Variants in ADAM9 observed in about 807,000 individuals in gnomAD.
The protein encoded by ADAM9 is disintegrin and metalloproteinase domain-containing protein 9.
A neutral mutation model predicts 108.1 loss-of-function variants in ADAM9; 54 were observed. That is an observed-to-expected ratio of 0.50 (90% CI 0.40 to 0.63). The LOEUF (loss-of-function observed/expected upper bound fraction) is 0.63. Ranked by LOEUF, ADAM9 falls within the 20% of genes least tolerant of loss-of-function variation. The probability of loss-of-function intolerance (pLI) is 0.00; values close to 1 mark genes in which losing one functional copy is unlikely to be tolerated. For synonymous variants in ADAM9, 316 were observed against 336.0 expected (o/e 0.94, Z 0.65); for missense variants, 830 against 997.7 (o/e 0.83, Z 2.26).
At chr8:39,023,492 C>A (rs1836815356) in intron 9 of ADAM9, among the ~76,000 whole-genome samples, 167 bp downstream of exon 9, 1 of 151,998 alleles carries the variant, frequency 6.6e-6, no homozygotes, top group South Asian at 2.1e-4. Flanking sequence ...GTTTTGGATT[C>A]CTGTGACCTT....
chr8:39,024,080 A>G (rs1284613021), intron 9 of ADAM9, among the ~76,000 whole-genome samples: 2 of 152,068 alleles, frequency 1.3e-5, no homozygotes, highest in African/African-American at 4.8e-5. Context: ...ACGACTTTGA[A>G]GGCGTTGCTC....
intron 12 of ADAM9, among the ~76,000 whole-genome samples, chr8:39,050,838 T>G (rs1402041438): frequency 6.7e-6 from 1 of 149,904 alleles, no homozygotes; most frequent in African/African-American, 2.5e-5. Context: ...GTGTTTTTTT[T>G]TTTTTTTTTT....
At chr8:39,071,581 C>G (rs544726784) in intron 15 of ADAM9, among the ~76,000 whole-genome samples, 178 bp downstream of exon 15, 1 of 151,890 alleles carries the variant, frequency 6.6e-6, no homozygotes, top group African/African-American at 2.4e-5. Flanking sequence ...ATTCCCCTGC[C>G]TCAGCCTCCT....
intron 14 of ADAM9, among the ~76,000 whole-genome samples, chr8:39,071,031 A>T (rs142735116): frequency 6.6e-6 from 1 of 152,152 alleles, no homozygotes; most frequent in Admixed American, 6.6e-5. Flanking sequence ...CTTATAATCT[A>T]TTATTTAATA....
chr8:39,057,183 C>A (rs954373726), intron 14 of ADAM9, among the ~76,000 whole-genome samples: 2 of 151,920 alleles, frequency 1.3e-5, no homozygotes, highest in African/African-American at 4.8e-5. Context: ...GGCTATACCA[C>A]CTAGGTTTGT....
At position 39,098,292 on chromosome 8, in the gene ADAM9, A is replaced by G. The variant is rs557538413; in HGVS notation, c.2299-3571A>G. Among the ~76,000 whole-genome samples, 64 of 152,332 alleles carry G rather than the reference A, an allele frequency of 4.2e-4. 1 individual carries two copies. Among genetic ancestry groups the G allele is most frequent in the African/African-American group, 1.5e-3 (62 of 41,586 alleles). Reference sequence around the variant, plus strand: ...TAAAAAAACTCCTTTGCCAGTAAATAGACTTCCGGAGTTGATTTACATTTT... The same window carrying G: ...TAAAAAAACTCCTTTGCCAGTAAATGGACTTCCGGAGTTGATTTACATTTT... On this transcript the variant is annotated intron_variant, in intron 20 of 21. Coordinates refer to ENST00000487273, the MANE Select transcript of ADAM9 (RefSeq NM_003816.3).
chr8:39,024,343 G>C (rs557316260), intron 9 of ADAM9, among the ~76,000 whole-genome samples: 2 of 151,994 alleles, frequency 1.3e-5, no homozygotes, highest in Non-Finnish European at 1.5e-5. Flanking sequence ...CAGGTGTCAA[G>C]CATACTCACT....
In ADAM9 at chr8:39,058,826, A is replaced by G. The variant is rs893603743; in HGVS notation, c.1591+3054A>G. On this transcript the variant is annotated intron_variant, in intron 14 of 21. Coordinates refer to ENST00000487273, the MANE Select transcript of ADAM9 (RefSeq NM_003816.3). The stretch of plus-strand genomic sequence containing the variant: ...AAATTTTGCTAGTGGGTCACTATGG[A>G]TAATGGTGAGTGGTGTTTCTCCCAT... Among the ~76,000 whole-genome samples the G allele has an allele frequency of 4.6e-5, 7 of 152,312 alleles. 1 individual carries two copies. In the South Asian group the frequency reaches 1.5e-3, roughly 32 times the overall value.
intron 20 of ADAM9, among the ~76,000 whole-genome samples, chr8:39,095,977 A>G (rs1839490055): frequency 6.6e-6 from 1 of 152,150 alleles, no homozygotes; most frequent in African/African-American, 2.4e-5. Context: ...ATACTTACTC[A>G]TATTTAAAAG....
At chr8:39,069,672 T>C (rs1332595310) in intron 14 of ADAM9, among the ~76,000 whole-genome samples, 2 of 152,078 alleles carry the variant, frequency 1.3e-5, no homozygotes, top group African/African-American at 4.8e-5. Flanking sequence ...CATGGTGAGC[T>C]GATGAAGACT....
rs1041288992 is a variant in ADAM9, at chr8:38,997,033, G to A, written c.-31G>A. Reference sequence around the variant, plus strand: ...AAGAGGCGGAGGTGGAGGCGACCGAGTGCTGAGAGGAACCTGCGGAATCGG... The same window carrying A: ...AAGAGGCGGAGGTGGAGGCGACCGAATGCTGAGAGGAACCTGCGGAATCGG... On this transcript the variant is annotated 5_prime_UTR_variant, in exon 1 of 22. The change creates a new upstream start codon in the 5' untranslated region. Transcript: ENST00000487273. The A allele has an allele frequency of 6.2e-7, 1 of 1,602,850 alleles. No homozygotes were observed. The highest frequency in any genetic ancestry group is 8.5e-7 in the Non-Finnish European group (1 of 1,178,776).
chr8:39,081,575 C>T (rs1237842628), intron 16 of ADAM9, among the ~76,000 whole-genome samples: 1 of 152,142 alleles, frequency 6.6e-6, no homozygotes, highest in Non-Finnish European at 1.5e-5. Flanking sequence ...TGAGGAGTGA[C>T]TTACTGTAGA....
intron 13 of ADAM9, 143 bp from the exon 14 acceptor site, chr8:39,055,434 C>A: frequency 1.3e-6 from 1 of 789,878 alleles, no homozygotes; most frequent in Non-Finnish European, 2.1e-6. Flanking sequence ...CTGTTGTTAG[C>A]CATTGTTCAT....
chr8:39,084,999 A>G lies in ADAM9; in HGVS notation c.2068+1926A>G, dbSNP rs193040698. On this transcript the variant is annotated intron_variant, in intron 18 of 21. Transcript: ENST00000487273. ...CCCTGCAATGAGATATTGTTAATAT[A>G]GCTACTCCAGATTCCTATTAATTAG... Among the ~76,000 whole-genome samples the G allele has an allele frequency of 1.5e-3, 228 of 152,258 alleles. 3 individuals carry two copies. The East Asian group carries it at 0.028, about 19-fold the overall frequency.
intron 2 of ADAM9, among the ~76,000 whole-genome samples, chr8:39,010,394 T>C (rs1210712228): frequency 6.6e-6 from 1 of 152,022 alleles, no homozygotes; most frequent in Non-Finnish European, 1.5e-5. Flanking sequence ...CCATGCAGGA[T>C]GTGGAGGTGG....
intron 16 of ADAM9, among the ~76,000 whole-genome samples, chr8:39,080,764 C>T (rs1334347606): frequency 1.3e-5 from 2 of 151,882 alleles, no homozygotes; most frequent in African/African-American, 4.8e-5. Flanking sequence ...AACTCCTCAC[C>T]TTCATTTTTA....
chr8:39,041,828 T>C, intron 11 of ADAM9, 118 bp from the exon 12 acceptor site: 2 of 905,072 alleles, frequency 2.2e-6, no homozygotes, highest in Non-Finnish European at 3.5e-6. Flanking sequence ...TGTCCACTTT[T>C]ATTAGCTTCT....
intron 1 of ADAM9, among the ~76,000 whole-genome samples, chr8:38,998,761 G>A (rs1835905050): frequency 6.6e-6 from 1 of 152,096 alleles, no homozygotes; most frequent in Admixed American, 6.5e-5. Flanking sequence ...CAAGAGTATG[G>A]TGGGGCGGGG....
At chr8:39,037,458 G>GTGTTTT (rs56848190) in intron 11 of ADAM9, among the ~76,000 whole-genome samples, 2 of 126,558 alleles carry the variant, frequency 1.6e-5, no homozygotes, top group African/African-American at 6.4e-5. Context: ...GTGTGTGTGT[G>GTGTTTT]TTTTTTTTTT....
Sources: allele counts gnomAD v4.1 joint callset (sites outside exome capture counted in the v4.1 genomes callset), GRCh38; gene constraint gnomAD v4.1.1; transcripts MANE v1.5; gene names NCBI Gene and HGNC (gene_info 2026-07-23, HGNC 2026-07-21).